SMIM36: variants seen among roughly 807,000 people sequenced by gnomAD.
SMIM36 encodes the protein small integral membrane protein 36.
In SMIM36 at chr17:55,511,103, G is replaced by GGCC. The variant is rs140645201; in HGVS notation, c.229_231dup (p.Gly77dup). On this transcript the variant is annotated inframe_insertion, in exon 1 of 5. Transcript: ENST00000636752. ...AGTGGAGCAGGATCCCCCAAAGAAAGGCCAGGCCCCTTTGGCCAGTGGGGC... is the reference window on the plus strand; with the variant it reads ...AGTGGAGCAGGATCCCCCAAAGAAAGGCCGCCAGGCCCCTTTGGCCAGTGGGGC... 3.3e-3 allele frequency: 1,296 copies of GGCC among 398,624 alleles called. 14 individuals carry two copies. The highest frequency in any genetic ancestry group is 0.024 in the African/African-American group (1,168 of 48,734). The allele number at this position is 398,624 out of a possible 1,614,324, so 24.7% of individuals were successfully genotyped here. A position where few individuals can be genotyped will look rare whatever the true frequency, so the allele number is the denominator to read the frequency against.
chr17:55,470,161 C>A (rs553332602), intron 3 of SMIM36, among the ~76,000 whole-genome samples: 1 of 152,296 alleles, frequency 6.6e-6, no homozygotes, highest in South Asian at 2.1e-4. Flanking sequence ...CAGGTCCCCA[C>A]TGGAAATCGG....
chr17:55,509,922 G>A (rs183760660), intron 1 of SMIM36, among the ~76,000 whole-genome samples: 2 of 152,242 alleles, frequency 1.3e-5, no homozygotes, highest in African/African-American at 4.8e-5. Context: ...TTCTTTCAAT[G>A]AGTTTTCAAT....
At chr17:55,523,267 C>T in the SMIM36 span, among the ~76,000 whole-genome samples, 4 of 152,134 alleles carry the variant, frequency 2.6e-5, no homozygotes, top group Admixed American at 6.5e-5. Context: ...TGTGGTGGCT[C>T]ATGCCTGTAA....
At chr17:55,492,106 C>G (rs1384541560) in intron 1 of SMIM36, among the ~76,000 whole-genome samples, 1 of 150,854 alleles carries the variant, frequency 6.6e-6, no homozygotes, top group Non-Finnish European at 1.5e-5. Flanking sequence ...TTGCAGTGAG[C>G]TGAGATGCTG....
At chr17:55,476,064 A>T (rs951142721) in intron 3 of SMIM36, among the ~76,000 whole-genome samples, 1 of 152,136 alleles carries the variant, frequency 6.6e-6, no homozygotes, top group Non-Finnish European at 1.5e-5. Context: ...TCTTATTAAT[A>T]TAAGAAGACA....
At chr17:55,524,084 C>A in the SMIM36 span, among the ~76,000 whole-genome samples, 2 of 152,096 alleles carry the variant, frequency 1.3e-5, 1 homozygote, top group Admixed American at 1.3e-4. Flanking sequence ...CCACTCTCCA[C>A]CCTCAAGTAG....
At chr17:55,498,101 C>T (rs190450762) in intron 1 of SMIM36, among the ~76,000 whole-genome samples, 40 of 152,272 alleles carry the variant, frequency 2.6e-4, no homozygotes, top group Admixed American at 2.6e-3. Flanking sequence ...TTGATAGTTC[C>T]TTGGCTTGTG....
At chr17:55,456,567 C>A (rs190625517) in intron 4 of SMIM36, among the ~76,000 whole-genome samples, 62 of 152,298 alleles carry the variant, frequency 4.1e-4, no homozygotes, top group South Asian at 1.9e-3. Flanking sequence ...CTGAAGAAAG[C>A]CCTGAGCCCT....
chr17:55,484,535 C>T (rs757145447), intron 1 of SMIM36, among the ~76,000 whole-genome samples: 15 of 152,210 alleles, frequency 9.9e-5, no homozygotes, highest in Non-Finnish European at 1.8e-4. Context: ...GACAATCACA[C>T]ATTATAAACC....
chr17:55,457,805 C>T (rs967307004), intron 4 of SMIM36, among the ~76,000 whole-genome samples: 2 of 151,968 alleles, frequency 1.3e-5, no homozygotes, highest in African/African-American at 2.4e-5. Context: ...GGATTAAAGG[C>T]TTGAGCTACC....
chr17:55,499,965 G>T (rs1909878417), intron 1 of SMIM36, among the ~76,000 whole-genome samples: 1 of 151,862 alleles, frequency 6.6e-6, no homozygotes. Flanking sequence ...AGTGGCAGGG[G>T]CAAATAGGAA....
At chr17:55,456,416 A>C (rs1160863096) in intron 4 of SMIM36, among the ~76,000 whole-genome samples, 2 of 152,194 alleles carry the variant, frequency 1.3e-5, no homozygotes, top group Non-Finnish European at 2.9e-5. Context: ...ATTTTTAAGT[A>C]CCAATTCACC....
At chr17:55,525,726 C>T in the SMIM36 span, among the ~76,000 whole-genome samples, 7 of 152,066 alleles carry the variant, frequency 4.6e-5, no homozygotes, top group African/African-American at 1.2e-4. Context: ...GGCGTGATCT[C>T]GGCTCACTGC....
chr17:55,520,153 T>C, the SMIM36 span, among the ~76,000 whole-genome samples: 1 of 152,226 alleles, frequency 6.6e-6, no homozygotes. Context: ...CAAATCTCTC[T>C]CTGTTCTGTC....
upstream of SMIM36, among the ~76,000 whole-genome samples, chr17:55,514,314 C>T (rs1379970825): frequency 6.6e-6 from 1 of 152,090 alleles, no homozygotes; most frequent in African/African-American, 2.4e-5. Flanking sequence ...CAGAAGAACC[C>T]CTTGAGGTAG....
chr17:55,475,660 A>G (rs1390996137), intron 3 of SMIM36, among the ~76,000 whole-genome samples: 2 of 152,360 alleles, frequency 1.3e-5, no homozygotes, highest in East Asian at 3.9e-4. Flanking sequence ...ATAGAGCTCA[A>G]AAACTCGCCA....
rs1312595064 is a variant in SMIM36 at position 55,501,137 on chromosome 17, T to C, written c.*174+9742A>G. Among the ~76,000 whole-genome samples, 70 of 81,366 alleles carry C rather than the reference T, an allele frequency of 8.6e-4. 12 individuals carry two copies. Among genetic ancestry groups the C allele is most frequent in the African/African-American group, 3.1e-3 (69 of 22,510 alleles). 53.4% of individuals were successfully genotyped at this position (81,366 alleles called of 152,430 possible). A position where few individuals can be genotyped will look rare whatever the true frequency, so the allele number is the denominator to read the frequency against. On this transcript the variant is annotated intron_variant, in intron 1 of 4. Coordinates refer to ENST00000636752, the Ensembl canonical transcript of SMIM36. ...ATATATCATATTTTATAATATATAA[T>C]ATATCTTATATTTTATAATATATAA... is the stretch of plus-strand genomic sequence containing the variant.
the SMIM36 span, among the ~76,000 whole-genome samples, chr17:55,525,433 A>G: frequency 1.3e-4 from 20 of 152,152 alleles, no homozygotes; most frequent in African/African-American, 4.8e-4. Context: ...ATTTTACATT[A>G]CCCTTCTCCT....
At chr17:55,460,871 CA>C (rs1173728579) in intron 4 of SMIM36, among the ~76,000 whole-genome samples, 4 of 151,274 alleles carry the variant, frequency 2.6e-5, no homozygotes, top group East Asian at 1.9e-4. Flanking sequence ...AAAACAAAAA[CA>C]AAAAAAACCA....
Sources: gnomAD v4.1 joint callset for allele counts (sites outside exome capture counted in the v4.1 genomes callset) on GRCh38, gnomAD v4.1.1 for gene constraint, MANE v1.5 for transcripts, NCBI Gene and HGNC (gene_info 2026-07-23, HGNC 2026-07-21) for gene names.